MGAT4C: variants seen among roughly 807,000 people sequenced by gnomAD.
MGAT4C encodes the protein MGAT4 family member C, also known as alpha-1,3-mannosyl-glycoprotein 4-beta-N-acetylglucosaminyltransferase C.
A neutral mutation model predicts 40.1 loss-of-function variants in MGAT4C; 19 were observed. The ratio of observed to expected loss-of-function variants is 0.47; its 90% confidence interval spans 0.33 to 0.70. The LOEUF is 0.70. Ranked by LOEUF, MGAT4C falls within the 30% of genes least tolerant of loss-of-function variation. The pLI is 0.02. For synonymous variants in MGAT4C, 181 were observed against 187.1 expected, an observed-to-expected ratio of 0.97 and a Z score of 0.27; for missense variants, 491 against 563.2, an observed-to-expected ratio of 0.87 and a Z score of 1.30.
At chr12:86,007,593 C>T (rs552053387) in intron 2 of MGAT4C, among the ~76,000 whole-genome samples, 36 of 151,478 alleles carry the variant, frequency 2.4e-4, no homozygotes, top group South Asian at 8.3e-4. Flanking sequence ...TATCATCATA[C>T]GACAAACTTT....
intron 1 of MGAT4C, among the ~76,000 whole-genome samples, chr12:86,823,343 T>C (rs1952739173): frequency 6.6e-6 from 1 of 151,266 alleles, no homozygotes; most frequent in Admixed American, 6.6e-5. Flanking sequence ...GTCTTGGCTT[T>C]TTGAAAAAAT....
intron 1 of MGAT4C, among the ~76,000 whole-genome samples, chr12:86,116,630 T>A (rs976694285): frequency 6.6e-6 from 1 of 152,026 alleles, no homozygotes; most frequent in Non-Finnish European, 1.5e-5. Flanking sequence ...TAGGAAAAAA[T>A]TTTTAACTCA....
In MGAT4C at chr12:86,407,729, C is replaced by T. The variant is rs562887102; in HGVS notation, c.-120+27428G>A. Reference sequence around the variant, plus strand: ...GAATTTGTGAATAAATCATACTCCTCGCTACTCTGTAAGGTTCATTTAGTA... The same window carrying T: ...GAATTTGTGAATAAATCATACTCCTTGCTACTCTGTAAGGTTCATTTAGTA... On this transcript the variant is annotated intron_variant, in intron 3 of 7. Transcript: ENST00000548651. 1.2e-4 allele frequency among the ~76,000 whole-genome samples: 18 copies of T among 152,082 alleles called. No individual in the cohort carries two copies. The South Asian group carries it at 2.9e-3, about 24-fold the overall frequency.
At chr12:86,542,738 A>G (rs560596543) in intron 2 of MGAT4C, among the ~76,000 whole-genome samples, 2 of 152,316 alleles carry the variant, frequency 1.3e-5, no homozygotes, top group South Asian at 4.1e-4. Flanking sequence ...ATGCTGCACT[A>G]TAAACTGTCA....
chr12:86,403,018 TC>T (rs1464223579), intron 3 of MGAT4C, among the ~76,000 whole-genome samples: 2 of 152,210 alleles, frequency 1.3e-5, no homozygotes, highest in Non-Finnish European at 1.5e-5. Flanking sequence ...AAGCTGAAGC[TC>T]TGACATGTTA....
In MGAT4C at chr12:86,826,162, C is replaced by T. The variant is rs182876767; in HGVS notation, c.-262+12504G>A. Among the ~76,000 whole-genome samples, 451 of 151,546 alleles carry T rather than the reference C, an allele frequency of 3.0e-3. 3 individuals are homozygous for T. The highest frequency in any genetic ancestry group is 4.9e-3 in the Non-Finnish European group (332 of 67,634). On this transcript the variant is annotated intron_variant, in intron 1 of 7. Transcript: ENST00000548651. ...TCTTGAGCTTCCCTCTACTCTATTG[C>T]TCTCTTTAAACTGTTTTGCCCTGCC...
rs1189351147 is a variant in MGAT4C, at chr12:86,638,515, C to T, written c.-229+88694G>A. On this transcript the variant is annotated intron_variant, in intron 2 of 7. Transcript: ENST00000548651. Reference sequence around the variant, plus strand: ...GGGACCTTCATGATGGGATTAGTACCTTTATAAGAAAAGAAACCAGAGCTT... The same window carrying T: ...GGGACCTTCATGATGGGATTAGTACTTTTATAAGAAAAGAAACCAGAGCTT... Among the ~76,000 whole-genome samples, 3 of 151,668 alleles carry T rather than the reference C, an allele frequency of 2.0e-5. No homozygotes were observed. The Admixed American group carries it at 2.0e-4, about 10-fold the overall frequency.
intron 2 of MGAT4C, among the ~76,000 whole-genome samples, chr12:86,710,936 G>T (rs964162272): frequency 1.3e-5 from 2 of 152,002 alleles, no homozygotes; most frequent in African/African-American, 4.8e-5. Flanking sequence ...ACTCAGGAAC[G>T]GAAAACCAAA....
Position 86,020,912 on chromosome 12 carries a change from C to A in MGAT4C, c.-7+28762G>T, listed in dbSNP as rs183480270. ...ACAAGAAAAAAACAAACAACCCCAT[C>A]AAAAAGTGGGCAGAGGATATGAACA... On this transcript the variant is annotated intron_variant, in intron 2 of 4. Coordinates refer to ENST00000611864, the MANE Select transcript of MGAT4C (RefSeq NM_001351288.2). Among the ~76,000 whole-genome samples, 371 of 152,204 alleles carry A rather than the reference C, an allele frequency of 2.4e-3. 1 individual carries two copies. The highest frequency in any genetic ancestry group is 8.6e-3 in the African/African-American group (358 of 41,530).
At chr12:86,436,304 G>T (rs78743302) in intron 2 of MGAT4C, among the ~76,000 whole-genome samples, 3,448 of 148,938 alleles carry the variant, frequency 0.023, 129 homozygotes, top group African/African-American at 0.079. Context: ...TATGATTGTA[G>T]AAATCTCAAA....
chr12:86,436,421 C>G (rs1240028910), intron 2 of MGAT4C, among the ~76,000 whole-genome samples: 3 of 151,550 alleles, frequency 2.0e-5, no homozygotes, highest in Non-Finnish European at 4.4e-5. Context: ...CTTAGGGAGT[C>G]AGAGTGTGGG....
chr12:86,521,545 C>T (rs560960837), intron 2 of MGAT4C, among the ~76,000 whole-genome samples: 1 of 152,042 alleles, frequency 6.6e-6, no homozygotes, highest in South Asian at 2.1e-4. Flanking sequence ...ATTGCCTTGG[C>T]TATTCAGGCT....
At chr12:86,505,516 A>G (rs1209788752) in intron 2 of MGAT4C, among the ~76,000 whole-genome samples, 1 of 152,184 alleles carries the variant, frequency 6.6e-6, no homozygotes, top group Non-Finnish European at 1.5e-5. Context: ...AAAGTTCAGC[A>G]CTTCCCTCTT....
chr12:86,825,114 T>C (rs764267903), intron 1 of MGAT4C, among the ~76,000 whole-genome samples: 1 of 151,172 alleles, frequency 6.6e-6, no homozygotes, highest in Non-Finnish European at 1.5e-5. Flanking sequence ...TAATGTGAGG[T>C]TTCGGGTGAA....
intron 3 of MGAT4C, among the ~76,000 whole-genome samples, chr12:85,987,167 C>A (rs1260228845): frequency 9.6e-6 from 1 of 104,476 alleles, no homozygotes; most frequent in Non-Finnish European, 1.7e-5. Context: ...GACGGAGTCT[C>A]GCTCTGTCGC....
At chr12:86,103,105 T>C (rs961608258) in intron 1 of MGAT4C, among the ~76,000 whole-genome samples, 29 of 152,158 alleles carry the variant, frequency 1.9e-4, no homozygotes, top group African/African-American at 6.0e-4. Context: ...CATATTCTGA[T>C]TGGAGATACA....
chr12:86,606,954 AAAT>A (rs1238554236), intron 2 of MGAT4C, among the ~76,000 whole-genome samples: 1 of 152,136 alleles, frequency 6.6e-6, no homozygotes, highest in Non-Finnish European at 1.5e-5. Flanking sequence ...ATTTAACAGT[AAAT>A]ACACTGAATA....
chr12:86,178,609 T>A (rs1449002538), intron 1 of MGAT4C, among the ~76,000 whole-genome samples: 1 of 152,228 alleles, frequency 6.6e-6, no homozygotes, highest in African/African-American at 2.4e-5. Flanking sequence ...TCTCCCTTAA[T>A]CAGAGATTCC....
chr12:86,405,184 C>A (rs1256149106), intron 3 of MGAT4C, among the ~76,000 whole-genome samples: 5 of 151,832 alleles, frequency 3.3e-5, no homozygotes, highest in Non-Finnish European at 7.4e-5. Context: ...TACAATAAGG[C>A]AAGAAATTAA....
Sources: gnomAD v4.1 joint callset for allele counts (sites outside exome capture counted in the v4.1 genomes callset) on GRCh38, gnomAD v4.1.1 for gene constraint, MANE v1.5 for transcripts, NCBI Gene and HGNC (gene_info 2026-07-23, HGNC 2026-07-21) for gene names.